The following TMEM161B variants were observed in gnomAD, a reference collection of about 807,000 sequenced individuals.
TMEM161B encodes transmembrane protein 161B.
TMEM161B carries 34 observed loss-of-function variants against 61.8 expected under a neutral mutation model. The ratio of observed to expected loss-of-function variants is 0.55; its 90% CI spans 0.42 to 0.73. The LOEUF (loss-of-function observed/expected upper bound fraction) is 0.73. Among genes scored for constraint, TMEM161B ranks in the 30% least tolerant of loss-of-function variants. The pLI is 0.00. For synonymous variants in TMEM161B, 167 were observed against 192.8 expected, an observed-to-expected ratio of 0.87 and a Z score of 1.11; for missense variants, 456 against 558.5, an observed-to-expected ratio of 0.82 and a Z score of 1.85.
intron 2 of TMEM161B, among the ~76,000 whole-genome samples, chr5:88,236,359 C>G (rs1410425423): frequency 3.9e-5 from 6 of 152,070 alleles, no homozygotes; most frequent in Non-Finnish European, 8.8e-5. Flanking sequence ...AGAGAAAAAG[C>G]AGTATCCTAC....
rs1369444900 is a variant in TMEM161B, at chr5:88,206,464, G to A, written c.634C>T (p.Leu212Phe). ...TGAGATTCTAAACCTTGCTTTTCAAGAAACTGCATCGCACTGTCTGAAAAA... is the reference window on the plus strand; with the variant it reads ...TGAGATTCTAAACCTTGCTTTTCAAAAAACTGCATCGCACTGTCTGAAAAA... ...TNFSDSAMQFLEKQGLESQSP... is the reference protein window; with the variant it reads ...TNFSDSAMQFFEKQGLESQSP... The change falls in exon 7 of 12, where the codon CTT (leucine) becomes TTT (phenylalanine). Residue 212 changes from leucine to phenylalanine, a missense_variant. Leu to Phe is a conservative substitution (Grantham distance 22). Transcript: ENST00000296595. The A allele has an allele frequency of 4.4e-6, 7 of 1,592,798 alleles. No individual in the cohort carries two copies. Among genetic ancestry groups the A allele is most frequent in the African/African-American group, 1.4e-5 (1 of 73,560 alleles).
chr5:88,222,859 G>A (rs1749256288), intron 4 of TMEM161B, among the ~76,000 whole-genome samples: 1 of 151,988 alleles, frequency 6.6e-6, no homozygotes. Context: ...TTATATATAT[G>A]CCTTTTAATA....
chr5:88,205,194 T>G (rs536846584), intron 8 of TMEM161B, among the ~76,000 whole-genome samples: 3 of 152,082 alleles, frequency 2.0e-5, no homozygotes, highest in Non-Finnish European at 2.9e-5. Context: ...GAACTACATA[T>G]GAAGATGAAA....
At position 88,196,068 on chromosome 5, in the gene TMEM161B, G is replaced by A. The variant is rs1022906858; in HGVS notation, c.*143C>T. 2.8e-6 allele frequency: 4 copies of A among 1,423,962 alleles called. No homozygotes were observed. In the African/African-American group the frequency reaches 5.8e-5, roughly 21 times the overall value. The allele number at this position is 1,423,962 out of a possible 1,614,324, so 88.2% of individuals were successfully genotyped here. A position where few individuals can be genotyped will look rare whatever the true frequency, so the allele number is the denominator to read the frequency against. ...TACATTAATTCACCCTGAGAATACA[G>A]AGGAAACATTTAATACAAGACATTC... On this transcript the variant is annotated 3_prime_UTR_variant, in exon 12 of 12. Transcript: ENST00000296595.
intron 4 of TMEM161B, among the ~76,000 whole-genome samples, 169 bp from the exon 5 acceptor site, chr5:88,220,888 AGAC>A (rs1380323521): frequency 6.6e-6 from 1 of 152,202 alleles, no homozygotes; most frequent in Non-Finnish European, 1.5e-5. Context: ...TGCAAGAAAT[AGAC>A]TGAGGATGTT....
chr5:88,212,625 C>T (rs1017462485), intron 5 of TMEM161B, among the ~76,000 whole-genome samples: 3 of 152,158 alleles, frequency 2.0e-5, no homozygotes, highest in African/African-American at 4.8e-5. Context: ...CTCAGGAATT[C>T]ATGACCAGCC....
chr5:88,208,489 A>T (rs1294017543), intron 5 of TMEM161B, among the ~76,000 whole-genome samples: 1 of 151,940 alleles, frequency 6.6e-6, no homozygotes, highest in Non-Finnish European at 1.5e-5. Context: ...CTCCAAAAAA[A>T]AAATTAGCCG....
chr5:88,189,075 C>T (rs1748547895), downstream of TMEM161B, among the ~76,000 whole-genome samples: 1 of 152,178 alleles, frequency 6.6e-6, no homozygotes, highest in South Asian at 2.1e-4. Flanking sequence ...CCTAGAGTTA[C>T]ATACTCTCCT....
intron 1 of TMEM161B, among the ~76,000 whole-genome samples, chr5:88,246,069 A>G (rs1263512271): frequency 6.6e-6 from 1 of 151,920 alleles, no homozygotes; most frequent in Non-Finnish European, 1.5e-5. Flanking sequence ...TCTCAGTGTT[A>G]ATGTTTGACT....
At chr5:88,200,718 A>G (rs1408675512) in intron 9 of TMEM161B, 2 of 152,110 alleles carry the variant, frequency 1.3e-5, no homozygotes, top group East Asian at 3.9e-4. Context: ...GTATATAGGG[A>G]AAGAACAGGC....
chr5:88,187,967 CTTTT>C (rs1170100605), downstream of TMEM161B, among the ~76,000 whole-genome samples: 1 of 152,058 alleles, frequency 6.6e-6, no homozygotes, highest in Non-Finnish European at 1.5e-5. Context: ...TTCATAGTTT[CTTTT>C]TATTTGCTCT....
chr5:88,188,703 C>A (rs550765235), downstream of TMEM161B, among the ~76,000 whole-genome samples: 158 of 152,290 alleles, frequency 1.0e-3, no homozygotes, highest in Non-Finnish European at 1.8e-3. Context: ...GGAGCGTCAG[C>A]AGACTCGCAT....
chr5:88,266,156 T>C (rs759853737), intron 1 of TMEM161B, among the ~76,000 whole-genome samples: 3 of 152,230 alleles, frequency 2.0e-5, no homozygotes, highest in Non-Finnish European at 2.9e-5. Flanking sequence ...AACCTTGTTA[T>C]AGGCACAGGT....
chr5:88,210,175 C>A (rs1389319502), intron 5 of TMEM161B, among the ~76,000 whole-genome samples: 2 of 152,130 alleles, frequency 1.3e-5, no homozygotes, highest in Non-Finnish European at 2.9e-5. Flanking sequence ...TGCCGCCAGT[C>A]CACAACCTCA....
At chr5:88,201,848 A>G (rs1744469485) in intron 9 of TMEM161B, 1 of 173,342 alleles carries the variant, frequency 5.8e-6, no homozygotes, top group African/African-American at 2.4e-5. Flanking sequence ...TCCTGGGTTC[A>G]ATAGGATTAA....
intron 3 of TMEM161B, among the ~76,000 whole-genome samples, chr5:88,228,012 C>A (rs1017327263): frequency 6.6e-6 from 1 of 152,126 alleles, no homozygotes; most frequent in Non-Finnish European, 1.5e-5. Flanking sequence ...ATGGGACCTA[C>A]ACAGTTATAT....
chr5:88,259,015 T>C (rs1207516612), intron 1 of TMEM161B, among the ~76,000 whole-genome samples: 1 of 152,168 alleles, frequency 6.6e-6, no homozygotes, highest in East Asian at 1.9e-4. Flanking sequence ...CATACATTTA[T>C]AAAATGGAGC....
chr5:88,205,899 T>G lies in TMEM161B; in HGVS notation c.715A>C (p.Ile239Leu), dbSNP rs757415563. ...CCAGGAAATGTCAAAAAAGCCCCAA[T>G]GAATGAACAGAAAATAGCCAGGAAA... ...KFFLAIFCSF[I>L]GAFLTFPGLR... Residue 239 changes from isoleucine to leucine, a missense_variant, in exon 8 of 12, where the codon ATT becomes CTT. Ile to Leu is a conservative substitution (Grantham distance 5). Transcript: ENST00000296595. 151 of 1,612,428 alleles carry G rather than the reference T, an allele frequency of 9.4e-5. No individual in the cohort carries two copies. Among genetic ancestry groups the G allele is most frequent in the Non-Finnish European group, 1.3e-4 (148 of 1,179,202 alleles).
At chr5:88,237,104 A>G (rs1751977984) in intron 2 of TMEM161B, among the ~76,000 whole-genome samples, 1 of 152,174 alleles carries the variant, frequency 6.6e-6, no homozygotes, top group Admixed American at 6.5e-5. Flanking sequence ...TGTGAAACTG[A>G]GTAAATCATT....
Sources: gnomAD v4.1 joint callset for allele counts (sites outside exome capture counted in the v4.1 genomes callset) on GRCh38, gnomAD v4.1.1 for gene constraint, MANE v1.5 for transcripts, NCBI Gene and HGNC (gene_info 2026-07-23, HGNC 2026-07-21) for gene names.